Variants in RABGEF1 observed in about 807,000 individuals in gnomAD.
RABGEF1 encodes the protein rab5 GDP/GTP exchange factor.
A neutral mutation model predicts 57.3 loss-of-function variants in RABGEF1; 26 were observed. That is an observed-to-expected ratio of 0.45 (90% confidence interval 0.33 to 0.63). The LOEUF is 0.63. Among genes scored for constraint, RABGEF1 ranks in the 20% least tolerant of loss-of-function variants. The probability of loss-of-function intolerance (pLI) is 0.02; values close to 1 mark genes in which losing one functional copy is unlikely to be tolerated. For missense variants in RABGEF1, 464 were observed against 607.6 expected (o/e 0.76, Z 2.48); for synonymous variants, 185 against 210.7 (o/e 0.88, Z 1.06).
At chr7:66,695,329 G>A (rs1792158110) in intron 1 of RABGEF1, among the ~76,000 whole-genome samples, 1 of 151,986 alleles carries the variant, frequency 6.6e-6, no homozygotes, top group Non-Finnish European at 1.5e-5. Context: ...AAAGGACCTC[G>A]AGAAAGGGTC....
At chr7:66,681,374 C>G (rs1789716353), upstream of RABGEF1, among the ~76,000 whole-genome samples, 1 of 148,714 alleles carries the variant, frequency 6.7e-6, no homozygotes, top group South Asian at 2.1e-4. Context: ...AATTATTTCA[C>G]TTCTGGGTCT....
chr7:66,659,247 T>A, the RABGEF1 span, among the ~76,000 whole-genome samples: 1 of 146,498 alleles, frequency 6.8e-6, no homozygotes, highest in Admixed American at 6.8e-5. Flanking sequence ...GGTCAGGAGT[T>A]TGAGACCAGC....
At chr7:66,751,496 A>G (rs751709633) in intron 1 of RABGEF1, among the ~76,000 whole-genome samples, 121 of 152,124 alleles carry the variant, frequency 8.0e-4, no homozygotes, top group Non-Finnish European at 1.5e-3. Flanking sequence ...GGATGATGCT[A>G]TTTTTCAGAG....
At chr7:66,740,012 C>T (rs1460991268), upstream of RABGEF1, 2 of 152,222 alleles carry the variant, frequency 1.3e-5, no homozygotes, top group Admixed American at 1.3e-4. Context: ...GCTCTGCTGT[C>T]ACCCGGCCTG....
intron 1 of RABGEF1, among the ~76,000 whole-genome samples, chr7:66,744,369 C>T (rs980091167): frequency 8.3e-6 from 1 of 120,444 alleles, no homozygotes; most frequent in Non-Finnish European, 1.8e-5. Flanking sequence ...TGCATCTCTA[C>T]AAAAAAAAAA....
intron 1 of RABGEF1, among the ~76,000 whole-genome samples, chr7:66,764,735 T>C (rs1805281047): frequency 6.6e-6 from 1 of 152,216 alleles, no homozygotes; most frequent in African/African-American, 2.4e-5. Flanking sequence ...CTCCATTGAG[T>C]AGTCTTGGTA....
chr7:66,698,365 A>G (rs1195329760), intron 1 of RABGEF1, among the ~76,000 whole-genome samples: 2 of 152,172 alleles, frequency 1.3e-5, no homozygotes, highest in Middle Eastern at 3.2e-3. Flanking sequence ...CAGGGGTGAC[A>G]AGAGAGGACT....
upstream of RABGEF1, among the ~76,000 whole-genome samples, chr7:66,682,006 C>G (rs1193350742): frequency 6.6e-6 from 1 of 152,248 alleles, no homozygotes. Flanking sequence ...GCACCCTACT[C>G]TGTGTAAGCC....
At chr7:66,756,458 A>G (rs555555353) in intron 1 of RABGEF1, among the ~76,000 whole-genome samples, 3 of 152,318 alleles carry the variant, frequency 2.0e-5, no homozygotes, top group Admixed American at 6.5e-5. Context: ...GGTCTGCTCA[A>G]GGTCATGGTC....
At chr7:66,733,155 A>G (rs1459850806) in intron 2 of RABGEF1, among the ~76,000 whole-genome samples, 1 of 152,156 alleles carries the variant, frequency 6.6e-6, no homozygotes, top group Non-Finnish European at 1.5e-5. Flanking sequence ...TGATTCCTGG[A>G]AAGTCTTGGC....
intron 1 of RABGEF1, among the ~76,000 whole-genome samples, chr7:66,707,561 A>G (rs1794281424): frequency 6.6e-6 from 1 of 152,082 alleles, no homozygotes; most frequent in South Asian, 2.1e-4. Context: ...GGTGGCACAC[A>G]CCTGTAATCC....
intron 2 of RABGEF1, 40 bp from the exon 3 acceptor site, chr7:66,775,187 G>A: frequency 6.4e-7 from 1 of 1,565,660 alleles, no homozygotes; most frequent in Non-Finnish European, 8.6e-7. Flanking sequence ...AGAAACCTTG[G>A]AGAATATCTA....
intron 1 of RABGEF1, among the ~76,000 whole-genome samples, chr7:66,687,113 CTTTTTTTTTTT>C (rs71526570): frequency 1.9e-5 from 2 of 103,660 alleles, no homozygotes; most frequent in African/African-American, 7.2e-5. Context: ...CCACGCCCGG[CTTTTTTTTTTT>C]TTTTTTTTTT....
upstream of RABGEF1, among the ~76,000 whole-genome samples, chr7:66,681,425 G>T (rs1219873948): frequency 1.4e-5 from 2 of 145,654 alleles, no homozygotes; most frequent in Non-Finnish European, 3.0e-5. Flanking sequence ...TTGAGACAGG[G>T]TCTCGCTCTG....
intron 1 of RABGEF1, among the ~76,000 whole-genome samples, chr7:66,688,910 T>A (rs1791108015): frequency 6.6e-6 from 1 of 152,056 alleles, no homozygotes; most frequent in Non-Finnish European, 1.5e-5. Flanking sequence ...CTAACCAACA[T>A]GGCAAAAGCC....
intron 1 of RABGEF1, among the ~76,000 whole-genome samples, chr7:66,705,039 G>A (rs1264922141): frequency 1.3e-5 from 2 of 151,966 alleles, no homozygotes; most frequent in African/African-American, 4.8e-5. Context: ...TTCATTTTTG[G>A]GAGAGCTGAT....
chr7:66,682,732 C>G (rs1257867762), intron 1 of RABGEF1, among the ~76,000 whole-genome samples: 1 of 152,172 alleles, frequency 6.6e-6, no homozygotes, highest in African/African-American at 2.4e-5. Flanking sequence ...TTTGATCCCG[C>G]GTCGCCCTGG....
At chr7:66,662,276 G>A in the RABGEF1 span, among the ~76,000 whole-genome samples, 1 of 151,700 alleles carries the variant, frequency 6.6e-6, no homozygotes, top group Non-Finnish European at 1.5e-5. Flanking sequence ...AGACCAGCCT[G>A]TGCAACATAG....
intron 1 of RABGEF1, among the ~76,000 whole-genome samples, chr7:66,690,811 C>T (rs763669769): frequency 3.3e-5 from 5 of 151,896 alleles, no homozygotes; most frequent in Admixed American, 2.6e-4. Flanking sequence ...AGGCCAGGTG[C>T]GGTGCCTCAC....
Sources: gnomAD v4.1 joint callset for allele counts (sites outside exome capture counted in the v4.1 genomes callset) on GRCh38, gnomAD v4.1.1 for gene constraint, MANE v1.5 for transcripts, NCBI Gene and HGNC (gene_info 2026-07-23, HGNC 2026-07-21) for gene names.